Variants in GALNT16 observed in about 807,000 individuals in gnomAD.
GALNT16 encodes polypeptide N-acetylgalactosaminyltransferase 16, also known as UDP-GalNAc:polypeptide N-acetylgalactosaminyltransferase-like protein 1.
GALNT16 carries 40 observed loss-of-function variants against 76.1 expected under a neutral mutation model. The ratio of observed to expected loss-of-function variants is 0.53; its 90% confidence interval spans 0.41 to 0.68. The LOEUF is 0.68. Among genes scored for constraint, GALNT16 ranks in the 30% least tolerant of loss-of-function variants. The pLI is 0.00. For missense variants in GALNT16, 621 were observed against 731.9 expected, an observed-to-expected ratio of 0.85 and a Z score of 1.75; for synonymous variants, 276 against 285.2, an observed-to-expected ratio of 0.97 and a Z score of 0.32.
chr14:69,359,761 C>T (rs1159922552), downstream of GALNT16, among the ~76,000 whole-genome samples: 2 of 152,200 alleles, frequency 1.3e-5, no homozygotes, highest in African/African-American at 4.8e-5. Context: ...GACGCGGTGG[C>T]TCACGCCTGG....
chr14:69,307,924 C>T (rs751098991), intron 1 of GALNT16, among the ~76,000 whole-genome samples: 11 of 152,114 alleles, frequency 7.2e-5, no homozygotes, highest in Admixed American at 6.5e-4. Flanking sequence ...AACTGTTAGG[C>T]TTGTGCTTTG....
intron 1 of GALNT16, among the ~76,000 whole-genome samples, chr14:69,288,548 C>T (rs2044647678): frequency 6.6e-6 from 1 of 152,210 alleles, no homozygotes; most frequent in Non-Finnish European, 1.5e-5. Flanking sequence ...GCCACGTTTC[C>T]TTCATTCATT....
intron 1 of GALNT16, among the ~76,000 whole-genome samples, chr14:69,265,850 G>A (rs986231370): frequency 2.0e-5 from 3 of 152,172 alleles, no homozygotes; most frequent in Admixed American, 1.3e-4. Flanking sequence ...CCTCTTCTCT[G>A]AAATCTTGTG....
At chr14:69,372,491 C>CTTTT in the GALNT16 span, among the ~76,000 whole-genome samples, 33 of 103,774 alleles carry the variant, frequency 3.2e-4, no homozygotes, top group Non-Finnish European at 4.2e-4. Flanking sequence ...GATCATTAGC[C>CTTTT]TTTTTTTTTT....
the GALNT16 span, among the ~76,000 whole-genome samples, chr14:69,373,779 T>C: frequency 6.6e-6 from 1 of 152,036 alleles, no homozygotes; most frequent in African/African-American, 2.4e-5. Flanking sequence ...TTTCTCTCTT[T>C]CCTTTTTCTT....
intron 1 of GALNT16, among the ~76,000 whole-genome samples, chr14:69,293,898 T>A (rs1005058217): frequency 5.0e-5 from 7 of 139,260 alleles, no homozygotes; most frequent in Admixed American, 4.8e-4. Context: ...AACCCATACT[T>A]TTTTTTTTTT....
Position 69,264,780 on chromosome 14 carries a change from C to CTTTCT in GALNT16, c.177+4322_177+4326dup, listed in dbSNP as rs1373545987. On this transcript the variant is annotated intron_variant, in intron 1 of 14. Transcript: ENST00000448469. ...CAAAATGTTCAGATTTTTTTCTTTTCTTTCTTTTCTTTTTTTATTTTCTCT... is the reference window on the plus strand; with the variant it reads ...CAAAATGTTCAGATTTTTTTCTTTTCTTTCTTTTCTTTTCTTTTTTTATTTTCTCT... Among the ~76,000 whole-genome samples the CTTTCT allele has an allele frequency of 9.4e-3, 1,202 of 127,900 alleles. 20 individuals carry two copies. Among genetic ancestry groups the CTTTCT allele is most frequent in the African/African-American group, 0.036 (1,149 of 31,652 alleles). 83.9% of individuals were successfully genotyped at this position (127,900 alleles called of 152,430 possible). A position where few individuals can be genotyped will look rare whatever the true frequency, so the allele number is the denominator to read the frequency against.
At position 69,352,175 on chromosome 14, in the gene GALNT16, C is replaced by T. The variant is rs1248677378; in HGVS notation, c.*7C>T. 5.0e-6 allele frequency: 8 copies of T among 1,601,568 alleles called. No homozygotes were observed. The highest frequency in any genetic ancestry group is 1.7e-4 in the Middle Eastern group (1 of 5,980). ...GCTGTTGCCACACACATGACGGTAGCCCTGGGGCCTCCTGTACCTTTTGCA... is the reference window on the plus strand; with the variant it reads ...GCTGTTGCCACACACATGACGGTAGTCCTGGGGCCTCCTGTACCTTTTGCA... On this transcript the variant is annotated 3_prime_UTR_variant, in exon 15 of 15. Transcript: ENST00000448469.
At chr14:69,315,809 T>A (rs755762751) in intron 1 of GALNT16, among the ~76,000 whole-genome samples, 111 of 149,502 alleles carry the variant, frequency 7.4e-4, no homozygotes, top group Admixed American at 1.2e-3. Context: ...AATCAGTTTT[T>A]AAAAAAAAAA....
intron 1 of GALNT16, among the ~76,000 whole-genome samples, chr14:69,291,872 G>T (rs1237644503): frequency 6.6e-6 from 1 of 152,212 alleles, no homozygotes; most frequent in Non-Finnish European, 1.5e-5. Context: ...TGCCATAAAA[G>T]CAGAAGGAAC....
the GALNT16 span, among the ~76,000 whole-genome samples, chr14:69,379,638 G>A: frequency 1.3e-5 from 2 of 152,130 alleles, no homozygotes; most frequent in African/African-American, 4.8e-5. Flanking sequence ...GTACACTCCA[G>A]CTTGGGTACA....
intron 1 of GALNT16, among the ~76,000 whole-genome samples, chr14:69,287,937 C>T (rs956567416): frequency 2.0e-5 from 3 of 152,172 alleles, no homozygotes; most frequent in African/African-American, 7.2e-5. Context: ...CAGAGAAAAC[C>T]CTCCATAGCA....
chr14:69,300,197 T>C (rs1050445142), intron 1 of GALNT16, among the ~76,000 whole-genome samples: 2 of 152,234 alleles, frequency 1.3e-5, no homozygotes, highest in Non-Finnish European at 2.9e-5. Context: ...GAAGAACTTG[T>C]ATTTAAAGTG....
At chr14:69,323,450 C>G (rs1389987673) in intron 2 of GALNT16, among the ~76,000 whole-genome samples, 1 of 152,182 alleles carries the variant, frequency 6.6e-6, no homozygotes, top group African/African-American at 2.4e-5. Context: ...GTCACTGTCC[C>G]GATTCCCTCC....
the GALNT16 span, among the ~76,000 whole-genome samples, chr14:69,365,454 C>T: frequency 3.5e-4 from 53 of 152,232 alleles, no homozygotes; most frequent in Non-Finnish European, 7.1e-4. Flanking sequence ...TACAAAGGAA[C>T]GAGATCATGT....
At chr14:69,366,155 T>G in the GALNT16 span, among the ~76,000 whole-genome samples, 6 of 152,302 alleles carry the variant, frequency 3.9e-5, no homozygotes, top group East Asian at 1.2e-3. Context: ...AGTAGTGATG[T>G]AAGATTTCAC....
At chr14:69,265,089 T>TA (rs753636954) in intron 1 of GALNT16, among the ~76,000 whole-genome samples, 3 of 152,174 alleles carry the variant, frequency 2.0e-5, no homozygotes, top group Non-Finnish European at 4.4e-5. Flanking sequence ...GTGCTGGGAT[T>TA]ACAGGCGTGA....
the GALNT16 span, among the ~76,000 whole-genome samples, chr14:69,366,632 T>G: frequency 1.3e-4 from 20 of 152,210 alleles, no homozygotes; most frequent in African/African-American, 4.8e-4. Flanking sequence ...TTAATTTGTT[T>G]ATGAACCTTA....
In GALNT16 at chr14:69,302,524, T is replaced by G. The variant is rs762512329; in HGVS notation, c.178-18187T>G. 2.6e-5 allele frequency among the ~76,000 whole-genome samples: 4 copies of G among 152,344 alleles called. No individual in the cohort carries two copies. In the South Asian group the frequency reaches 8.3e-4, roughly 32 times the overall value. ...AAAACAGTGTTTTTCAAACTTTGTT[T>G]AGTAATGGAACCCTTATTTTTAAAC... On this transcript the variant is annotated intron_variant, in intron 1 of 14. Coordinates refer to ENST00000448469, the MANE Select transcript of GALNT16 (RefSeq NM_001168368.2).
Sources: allele counts gnomAD v4.1 joint callset (sites outside exome capture counted in the v4.1 genomes callset), GRCh38; gene constraint gnomAD v4.1.1; transcripts MANE v1.5; gene names NCBI Gene and HGNC (gene_info 2026-07-23, HGNC 2026-07-21).